Variants in INSC observed in about 807,000 individuals in gnomAD.
The protein encoded by INSC is INSC spindle orientation adaptor protein.
Under a neutral mutation model 58.6 loss-of-function variants are expected in INSC, and 67 were observed. The ratio of observed to expected loss-of-function variants is 1.14; its 90% CI spans 0.94 to 1.40. The LOEUF is 1.40. INSC is among the 40% of genes most tolerant of loss of function. The pLI is 0.00. For missense variants in INSC, 714 were observed against 692.0 expected (o/e 1.03, Z -0.36); for synonymous variants, 262 against 276.1 (o/e 0.95, Z 0.51).
At chr11:15,255,894 A>G in the INSC span, among the ~76,000 whole-genome samples, 1 of 152,204 alleles carries the variant, frequency 6.6e-6, no homozygotes, top group Non-Finnish European at 1.5e-5. Context: ...AAATTTTGGC[A>G]TCATACAGAA....
At chr11:15,112,639 T>TGCAGG, upstream of INSC, 1 of 196,110 alleles carries the variant, frequency 5.1e-6, no homozygotes, top group Non-Finnish European at 8.1e-6. Context: ...TGTGTGTGTA[T>TGCAGG]TGGGAAGTGG....
chr11:15,160,015 G>C (rs992852402), intron 2 of INSC, among the ~76,000 whole-genome samples: 2 of 152,194 alleles, frequency 1.3e-5, no homozygotes, highest in Non-Finnish European at 2.9e-5. Context: ...TGGTGTGTCA[G>C]GTCCATTGCC....
At chr11:15,245,461 A>AT (rs1410227954) in intron 12 of INSC, among the ~76,000 whole-genome samples, 1 of 152,210 alleles carries the variant, frequency 6.6e-6, no homozygotes, top group Non-Finnish European at 1.5e-5. Flanking sequence ...TTTCCTGTTC[A>AT]TCCCCCTTGC....
At chr11:15,119,690 G>A (rs762060545) in intron 1 of INSC, among the ~76,000 whole-genome samples, 3 of 152,192 alleles carry the variant, frequency 2.0e-5, no homozygotes, top group Admixed American at 6.5e-5. Context: ...GTGTGGTGCT[G>A]GATTTAAAGA....
At chr11:15,127,701 T>G (rs1327739025) in intron 1 of INSC, among the ~76,000 whole-genome samples, 4 of 152,106 alleles carry the variant, frequency 2.6e-5, no homozygotes, top group Non-Finnish European at 5.9e-5. Flanking sequence ...TTTTCTTCAG[T>G]TGTGGGGTCA....
At chr11:15,148,274 T>C (rs1848545036) in intron 1 of INSC, among the ~76,000 whole-genome samples, 1 of 152,188 alleles carries the variant, frequency 6.6e-6, no homozygotes, top group Non-Finnish European at 1.5e-5. Flanking sequence ...TCTTAGATAA[T>C]AGGAAGCCTA....
chr11:15,221,431 G>T, intron 7 of INSC, 46 bp from the exon 8 acceptor site: 4 of 1,561,300 alleles, frequency 2.6e-6, no homozygotes, highest in Non-Finnish European at 3.5e-6. Flanking sequence ...ATGGGCAGTG[G>T]TGTCCACCCA....
At chr11:15,269,580 A>G in the INSC span, among the ~76,000 whole-genome samples, 5 of 151,726 alleles carry the variant, frequency 3.3e-5, no homozygotes, top group African/African-American at 1.2e-4. Flanking sequence ...AATTTCTTCA[A>G]TGGCAGTGGT....
chr11:15,134,658 A>G (rs2133711765), intron 1 of INSC, among the ~76,000 whole-genome samples: 1 of 152,296 alleles, frequency 6.6e-6, no homozygotes, highest in African/African-American at 2.4e-5. Context: ...TAGGTGCCTT[A>G]TATAGAGCAT....
intron 2 of INSC, among the ~76,000 whole-genome samples, chr11:15,151,052 T>A (rs750619233): frequency 2.6e-5 from 4 of 152,104 alleles, no homozygotes; most frequent in Non-Finnish European, 5.9e-5. Flanking sequence ...TGCTTTGCAG[T>A]ACACAAGCTT....
chr11:15,235,027 T>G (rs1261562694), intron 9 of INSC: 1 of 166,394 alleles, frequency 6.0e-6, no homozygotes, highest in Non-Finnish European at 1.3e-5. Flanking sequence ...ACTTGCAATG[T>G]GCAGCTGAGT....
chr11:15,229,420 G>A (rs1792569), intron 9 of INSC, among the ~76,000 whole-genome samples: 99,972 of 152,028 alleles, frequency 0.66, 33,306 homozygotes, highest in East Asian at 0.96. Context: ...CATATATGAC[G>A]TATTAGAAAC....
chr11:15,236,013 G>A (rs894760471), intron 10 of INSC, among the ~76,000 whole-genome samples: 2 of 139,124 alleles, frequency 1.4e-5, no homozygotes, highest in African/African-American at 2.7e-5. Context: ...CTGAGATCAC[G>A]CCATTGCACT....
intron 1 of INSC, among the ~76,000 whole-genome samples, chr11:15,148,043 G>A (rs911243622): frequency 6.6e-6 from 1 of 152,172 alleles, no homozygotes; most frequent in Non-Finnish European, 1.5e-5. Flanking sequence ...TGTACAAAAA[G>A]GCCTCCAGGA....
At chr11:15,140,238 G>A (rs1590350739) in intron 1 of INSC, among the ~76,000 whole-genome samples, 1 of 152,214 alleles carries the variant, frequency 6.6e-6, no homozygotes, top group Admixed American at 6.5e-5. Flanking sequence ...GCACTTCTGA[G>A]TTAACCTGCC....
chr11:15,170,556 T>C (rs1849361499), intron 2 of INSC, among the ~76,000 whole-genome samples: 1 of 152,132 alleles, frequency 6.6e-6, no homozygotes, highest in Non-Finnish European at 1.5e-5. Flanking sequence ...CTTTCAGGGG[T>C]ACATGCTAGC....
At chr11:15,163,690 T>C (rs995307382) in intron 2 of INSC, among the ~76,000 whole-genome samples, 2 of 152,102 alleles carry the variant, frequency 1.3e-5, no homozygotes, top group African/African-American at 4.8e-5. Flanking sequence ...GCTTCCTGGG[T>C]TCAAGCGATT....
chr11:15,177,295 C>A, intron 4 of INSC, 132 bp downstream of exon 4: 1 of 717,010 alleles, frequency 1.4e-6, no homozygotes, highest in Non-Finnish European at 2.4e-6. Flanking sequence ...CTTTTTCTGA[C>A]TTTTATCAGA....
intron 8 of INSC, among the ~76,000 whole-genome samples, chr11:15,222,272 G>T (rs1250302962): frequency 1.3e-5 from 2 of 152,090 alleles, no homozygotes; most frequent in African/African-American, 4.8e-5. Context: ...CGCTTGTCTG[G>T]ATAACAATCC....
Sources: gnomAD v4.1 joint callset for allele counts (sites outside exome capture counted in the v4.1 genomes callset) on GRCh38, gnomAD v4.1.1 for gene constraint, MANE v1.5 for transcripts, NCBI Gene and HGNC (gene_info 2026-07-23, HGNC 2026-07-21) for gene names.